Variants in MAPKBP1 observed in about 807,000 individuals in gnomAD.
The protein encoded by MAPKBP1 is mitogen-activated protein kinase-binding protein 1.
A neutral mutation model predicts 170.5 loss-of-function variants in MAPKBP1; 71 were observed. The observed-to-expected ratio is 0.42, with a 90% CI of 0.34 to 0.51. MAPKBP1 has a LOEUF of 0.51. MAPKBP1 is among the 20% of genes least tolerant of loss of function. The pLI is 0.06. For missense variants in MAPKBP1, 1,598 were observed against 1,933.0 expected (o/e 0.83, Z 3.25); for synonymous variants, 719 against 757.9 (o/e 0.95, Z 0.84).
At position 41,825,401 on chromosome 15, in the gene MAPKBP1, C is replaced by T. The variant is rs761336930; in HGVS notation, c.4492C>T (p.Arg1498Ter). 4.3e-6 allele frequency: 7 copies of T among 1,612,670 alleles called. No homozygotes were observed. The highest frequency in any genetic ancestry group is 5.1e-6 in the Non-Finnish European group (6 of 1,179,410). The change falls in exon 31 of 31, where the codon CGA becomes TGA. Residue 1498 changes from arginine (R) to a stop codon, truncating the protein, a stop_gained. Coordinates refer to ENST00000457542, the MANE Select transcript of MAPKBP1 (RefSeq NM_014994.3). LOFTEE classifies it high-confidence loss of function. ...GGAGCAATACTCAGAACTGTTGCTT[C>T]GAGCCGTGGAACGGCGTATGGAACG... is the stretch of plus-strand genomic sequence containing the variant. Reference protein sequence around the residue: ...LLEQYSELLLRAVERRMERKL With the variant: ...LLEQYSELLL
At chr15:41,786,777 AATATATATAT>A (rs1180590172) in intron 2 of MAPKBP1, among the ~76,000 whole-genome samples, 1 of 32,470 alleles carries the variant, frequency 3.1e-5, no homozygotes, top group Non-Finnish European at 5.6e-5. Context: ...AAAAAAAAAA[AATATATATAT>A]ATATATATAT....
chr15:41,807,569 G>A (rs1443019690), intron 3 of MAPKBP1, among the ~76,000 whole-genome samples: 1 of 152,178 alleles, frequency 6.6e-6, no homozygotes, highest in Non-Finnish European at 1.5e-5. Context: ...TCCCCATTCA[G>A]ACTAGAGCCT....
In MAPKBP1 at chr15:41,815,377, C is replaced by G; in HGVS notation, c.1289C>G (p.Ser430Cys). The change falls in exon 11 of 31, where the codon TCC becomes TGC. Residue 430 changes from serine to cysteine, a missense_variant. Physicochemically the swap from Ser to Cys is moderately radical, Grantham distance 112. Coordinates refer to ENST00000457542, the MANE Select transcript of MAPKBP1 (RefSeq NM_014994.3). The part of the protein sequence containing the change: ...WNTESSGVHG[S>C]TLHRNILSSD... ...ACAGAGAGCTCCGGGGTGCATGGCT[C>G]CACCCTCCACCGAAACATCCTCAGC... The G allele has an allele frequency of 1.9e-6, 3 of 1,614,220 alleles. No individual in the cohort carries two copies. Among genetic ancestry groups the G allele is most frequent in the Non-Finnish European group, 2.5e-6 (3 of 1,180,036 alleles).
Position 41,823,561 on chromosome 15 carries a change from C to T in MAPKBP1, c.3713C>T (p.Pro1238Leu), listed in dbSNP as rs139298662. 118 of 1,614,068 alleles carry T rather than the reference C, an allele frequency of 7.3e-5. No homozygotes were observed. The African/African-American group carries it at 1.4e-3, about 19-fold the overall frequency. ...CCAGCTGATGGCCGTCCGTCTCGGC[C>T]TCACTCCTATCAGAACCCCACCACC... is the stretch of plus-strand genomic sequence containing the variant. Reference protein sequence around the residue: ...LPPADGRPSRPHSYQNPTTSS... With the variant: ...LPPADGRPSRLHSYQNPTTSS... Residue 1238 changes from proline (P) to leucine (L), a missense_variant, in exon 29 of 31, where the codon CCT becomes CTT. Pro to Leu is a moderately conservative substitution (Grantham distance 98). Transcript: ENST00000457542.
chr15:41,797,460 C>G (rs1402619104), intron 2 of MAPKBP1, among the ~76,000 whole-genome samples: 1 of 152,106 alleles, frequency 6.6e-6, no homozygotes, highest in Non-Finnish European at 1.5e-5. Flanking sequence ...CCCTAAATAT[C>G]CCCTCCTCTG....
chr15:41,818,844 G>C lies in MAPKBP1; in HGVS notation c.2178G>C (p.Leu726=). ...CCAGCTGCATATTTGTGTGGCGCCT[G>C]AGCTCTGAGATGACCATCAGCATGA... ...SGDSCIFVWR[L]SSEMTISMRQ... The change falls in exon 20 of 31, where the codon CTG becomes CTC. Residue 726 remains leucine, a synonymous_variant. Transcript: ENST00000457542. The surrounding 1 kb of genome is among the most constrained non-coding windows in gnomAD (Gnocchi z 5.2). The C allele has an allele frequency of 6.2e-7, 1 of 1,614,190 alleles. No homozygotes were observed. Among genetic ancestry groups the C allele is most frequent in the Middle Eastern group, 1.6e-4 (1 of 6,062 alleles).
rs746884321 is a variant in MAPKBP1 at position 41,812,928 on chromosome 15, A to G, written c.646A>G (p.Thr216Ala). Residue 216 changes from threonine to alanine, a missense_variant, in exon 8 of 31, where the codon ACT becomes GCT. Thr to Ala is a moderately conservative substitution (Grantham distance 58, BLOSUM62 0). Transcript: ENST00000457542. ...DDSKTSKVNA[T>A]VPLLGRSGLL... ...TGGTGTGCCTCCACAGGTGAATGCCACTGTGCCCTTGCTGGGCCGCTCAGG... is the reference window on the plus strand; with the variant it reads ...TGGTGTGCCTCCACAGGTGAATGCCGCTGTGCCCTTGCTGGGCCGCTCAGG... 1.2e-6 allele frequency: 2 copies of G among 1,601,138 alleles called. No homozygotes were observed. Among genetic ancestry groups the G allele is most frequent in the Non-Finnish European group, 1.7e-6 (2 of 1,173,484 alleles).
intron 10 of MAPKBP1, 83 bp downstream of exon 10, chr15:41,814,822 T>C: frequency 6.7e-7 from 1 of 1,503,168 alleles, no homozygotes; most frequent in East Asian, 2.3e-5. Flanking sequence ...GATCCCCAAG[T>C]ATAATCTTAG....
At chr15:41,810,834 G>A (rs755987808) in intron 3 of MAPKBP1, 49 bp from the exon 4 acceptor site, 4 of 1,577,840 alleles carry the variant, frequency 2.5e-6, no homozygotes, top group Non-Finnish European at 3.5e-6. Context: ...GAGGGCTCCT[G>A]GGGGAGCTGT....
At chr15:41,812,770 G>A in intron 7 of MAPKBP1, 117 bp downstream of exon 7, 1 of 1,467,174 alleles carries the variant, frequency 6.8e-7, no homozygotes, top group Non-Finnish European at 9.1e-7. Flanking sequence ...TCATGCAGAA[G>A]TTTTGGATGA....
intron 2 of MAPKBP1, among the ~76,000 whole-genome samples, chr15:41,786,421 T>C (rs796092307): frequency 1.2e-4 from 19 of 152,242 alleles, no homozygotes; most frequent in African/African-American, 4.3e-4. Context: ...AAATTTAAAA[T>C]CCGTATGCTC....
chr15:41,822,610 C>T lies in MAPKBP1; in HGVS notation c.3247C>T (p.Pro1083Ser). The change falls in exon 27 of 31, where the codon CCA becomes TCA. Residue 1083 changes from proline to serine, a missense_variant. Physicochemically the swap from Pro to Ser is moderately conservative, Grantham distance 74. Transcript: ENST00000457542. ...GAAPGAPVQV[P>S]ERSESRSISS... The stretch of plus-strand genomic sequence containing the variant: ...CTTGGTAGGGGCCCCAGTGCAGGTC[C>T]CAGAGAGGTCAGAGTCTCGGAGTAT... 1 of 1,613,978 alleles carries T rather than the reference C, an allele frequency of 6.2e-7. No homozygotes were observed.
rs1232265445 is a variant in MAPKBP1, at chr15:41,826,975, C to G, written c.*1539C>G. On this transcript the variant is annotated 3_prime_UTR_variant, in exon 31 of 31. Coordinates refer to ENST00000457542, the MANE Select transcript of MAPKBP1 (RefSeq NM_014994.3). ...CACGAGAGCCCCTTCACCCGCCCTGCTGCGCCATAGGCAGAGGCTTATAAA... is the reference window on the plus strand; with the variant it reads ...CACGAGAGCCCCTTCACCCGCCCTGGTGCGCCATAGGCAGAGGCTTATAAA... The G allele has an allele frequency of 6.6e-6, 1 of 152,208 alleles. No individual in the cohort carries two copies. The highest frequency in any genetic ancestry group is 2.4e-5 in the African/African-American group (1 of 41,408). The allele number at this position is 152,208 out of a possible 1,614,324, so 9.4% of individuals were successfully genotyped here.
At chr15:41,786,392 T>C (rs963793718) in intron 2 of MAPKBP1, among the ~76,000 whole-genome samples, 4 of 152,290 alleles carry the variant, frequency 2.6e-5, no homozygotes, top group South Asian at 2.1e-4. Flanking sequence ...GTATTTCATA[T>C]GTAAATCTAA....
rs2064935082 is a variant in MAPKBP1, at chr15:41,818,775, GCCATTCT to G, written c.2157-47_2157-41del. 1 of 1,609,336 alleles carries G rather than the reference GCCATTCT, an allele frequency of 6.2e-7. No individual in the cohort carries two copies. The highest frequency in any genetic ancestry group is 1.7e-5 in the Admixed American group (1 of 59,830). On this transcript the variant is annotated intron_variant, in intron 19 of 30. Coordinates refer to ENST00000457542, the MANE Select transcript of MAPKBP1 (RefSeq NM_014994.3). The surrounding 1 kb of genome is among the most constrained non-coding windows in gnomAD (Gnocchi z 5.2). ...TGGATAAGGGGAACGAATGGCGCTA[GCCATTCT>G]ACCTGCCCCTCCTTCAGCCAACTGT...
chr15:41,803,630 G>T (rs576792218), intron 3 of MAPKBP1, among the ~76,000 whole-genome samples: 80 of 151,648 alleles, frequency 5.3e-4, no homozygotes, highest in African/African-American at 1.9e-3. Flanking sequence ...CAGGAGGATT[G>T]CTTGAGCCCA....
In MAPKBP1 at chr15:41,819,557, G is replaced by GGGGGGGGGGGGGA; in HGVS notation, c.2426-38_2426-37insGGGGGGGGGGGGA. The GGGGGGGGGGGGGA allele has an allele frequency of 3.6e-6, 5 of 1,384,686 alleles. No individual in the cohort carries two copies. In the South Asian group the frequency reaches 4.7e-5, roughly 13 times the overall value. The allele number at this position is 1,384,686 out of a possible 1,614,324, so 85.8% of individuals were successfully genotyped here. A position where few individuals can be genotyped will look rare whatever the true frequency, so the allele number is the denominator to read the frequency against. ...TCCAGGGTTGGGTGGCGGGGGGGGGGCAGGAGACACTTCCTCTGACTGCCT... is the reference window on the plus strand; with the variant it reads ...TCCAGGGTTGGGTGGCGGGGGGGGGGGGGGGGGGGGGGACAGGAGACACTTCCTCTGACTGCCT... On this transcript the variant is annotated intron_variant, in intron 21 of 30. Coordinates refer to ENST00000457542, the MANE Select transcript of MAPKBP1 (RefSeq NM_014994.3).
chr15:41,790,228 A>C (rs1408045842), intron 2 of MAPKBP1, among the ~76,000 whole-genome samples: 5 of 152,242 alleles, frequency 3.3e-5, no homozygotes, highest in Non-Finnish European at 5.9e-5. Context: ...GACTAACCCA[A>C]GAGAGGCTAA....
chr15:41,777,585 G>A (rs1405928787), intron 2 of MAPKBP1, among the ~76,000 whole-genome samples: 2 of 152,188 alleles, frequency 1.3e-5, no homozygotes, highest in East Asian at 3.8e-4. Flanking sequence ...GAATGGTCTG[G>A]CAGCAAAATG....
Sources: allele counts gnomAD v4.1 joint callset (sites outside exome capture counted in the v4.1 genomes callset), GRCh38; gene constraint gnomAD v4.1.1; non-coding constraint Gnocchi (gnomAD v3.1); transcripts MANE v1.5; gene names NCBI Gene and HGNC (gene_info 2026-07-23, HGNC 2026-07-21).